DLG1: variants seen among roughly 807,000 people sequenced by gnomAD.
DLG1 encodes discs large MAGUK scaffold protein 1, also known as disks large homolog 1.
Under a neutral mutation model 123.4 loss-of-function variants are expected in DLG1, and 42 were observed. That is an observed-to-expected ratio of 0.34 (90% CI 0.27 to 0.44). The LOEUF (loss-of-function observed/expected upper bound fraction) is 0.44, where lower values mean the gene tolerates loss of function less well. Among genes scored for constraint, DLG1 ranks in the 20% least tolerant of loss-of-function variants. DLG1 has a pLI of 1.00. For missense variants in DLG1, 942 were observed against 1,082.6 expected (o/e 0.87, Z 1.82); for synonymous variants, 317 against 356.2 (o/e 0.89, Z 1.24).
At chr3:197,085,395 G>A in intron 16 of DLG1, 185 bp downstream of exon 16, 1 of 594,062 alleles carries the variant, frequency 1.7e-6, no homozygotes, top group Non-Finnish European at 2.9e-6. Context: ...TTCTCTGTAT[G>A]ACTTCGACTA....
At chr3:197,280,392 T>C (rs1429035777) in intron 4 of DLG1, among the ~76,000 whole-genome samples, 4 of 151,998 alleles carry the variant, frequency 2.6e-5, no homozygotes, top group Non-Finnish European at 5.9e-5. Context: ...CATTCACCTG[T>C]TGATAGATAT....
At chr3:197,294,400 AT>A (rs34070222) in intron 3 of DLG1, among the ~76,000 whole-genome samples, 85,688 of 151,920 alleles carry the variant, frequency 0.56, 24,710 homozygotes, top group East Asian at 0.78. Context: ...TAATCCCAAC[AT>A]TTTGGGAGGC....
chr3:197,188,807 G>T (rs1479373948), intron 5 of DLG1, among the ~76,000 whole-genome samples: 2 of 152,044 alleles, frequency 1.3e-5, no homozygotes, highest in East Asian at 1.9e-4. Context: ...TAACATTCTG[G>T]TTTTTTAAAA....
intron 10 of DLG1, among the ~76,000 whole-genome samples, chr3:197,130,980 T>G (rs1421586292): frequency 6.6e-6 from 1 of 152,216 alleles, no homozygotes; most frequent in Non-Finnish European, 1.5e-5. Context: ...CATTTTTATC[T>G]TTAAAGAAAT....
At chr3:197,046,915 C>CGAAACAAAAAACAAAAT in intron 24 of DLG1, among the ~76,000 whole-genome samples, 1 of 142,100 alleles carries the variant, frequency 7.0e-6, no homozygotes, top group Non-Finnish European at 1.5e-5. Flanking sequence ...AAAAACAAAA[C>CGAAACAAAAAACAAAAT]GAAACAAAAA....
chr3:197,082,402 T>C (rs1050739732), intron 16 of DLG1, among the ~76,000 whole-genome samples: 2 of 151,932 alleles, frequency 1.3e-5, no homozygotes, highest in Admixed American at 1.3e-4. Flanking sequence ...TTAAAACTCA[T>C]GATTTTTACG....
chr3:197,270,919 A>T (rs970010102), intron 4 of DLG1, among the ~76,000 whole-genome samples: 3 of 152,252 alleles, frequency 2.0e-5, no homozygotes, highest in Admixed American at 2.0e-4. Context: ...TAAATAACAT[A>T]AGGAAACAAA....
At chr3:197,297,773 G>T (rs1319832121) in intron 1 of DLG1, 1 of 985,778 alleles carries the variant, frequency 1.0e-6, no homozygotes, top group Non-Finnish European at 1.2e-6. Context: ...ACACCTCCGC[G>T]GGCCCCCACA....
At chr3:197,122,187 A>C (rs946877659) in intron 11 of DLG1, among the ~76,000 whole-genome samples, 1 of 152,120 alleles carries the variant, frequency 6.6e-6, no homozygotes, top group Non-Finnish European at 1.5e-5. Flanking sequence ...TAGCGTTAGA[A>C]AATCAATGTA....
At chr3:197,196,171 CAAA>C (rs71162001) in intron 4 of DLG1, among the ~76,000 whole-genome samples, 2,245 of 88,828 alleles carry the variant, frequency 0.025, 21 homozygotes, top group African/African-American at 0.065. Flanking sequence ...AAATGCACAC[CAAA>C]AAAAAAAAAA....
At chr3:197,268,121 T>A (rs1762456827) in intron 4 of DLG1, among the ~76,000 whole-genome samples, 1 of 152,110 alleles carries the variant, frequency 6.6e-6, no homozygotes, top group South Asian at 2.1e-4. Flanking sequence ...GTGAGGAGGT[T>A]TAGGAGCACA....
chr3:197,258,985 C>T (rs1185022555), intron 4 of DLG1, among the ~76,000 whole-genome samples: 2 of 151,972 alleles, frequency 1.3e-5, no homozygotes, highest in Non-Finnish European at 2.9e-5. Context: ...AAAATAGACC[C>T]TCTTTTGCTA....
chr3:197,282,637 T>C (rs776675342), intron 4 of DLG1, 42 bp downstream of exon 4: 2 of 1,349,954 alleles, frequency 1.5e-6, no homozygotes, highest in Admixed American at 2.7e-5. Flanking sequence ...ATAAATAAAT[T>C]GATCACCAAA....
At chr3:197,220,932 A>C (rs1225557098) in intron 4 of DLG1, among the ~76,000 whole-genome samples, 2 of 152,252 alleles carry the variant, frequency 1.3e-5, no homozygotes, top group African/African-American at 4.8e-5. Context: ...ATTTAACCTT[A>C]ATTACTGTTA....
At chr3:197,266,136 A>C (rs1258267379) in intron 4 of DLG1, among the ~76,000 whole-genome samples, 1 of 152,184 alleles carries the variant, frequency 6.6e-6, no homozygotes, top group African/African-American at 2.4e-5. Context: ...AAGAATATTT[A>C]AAAGAATAAA....
chr3:197,130,529 T>C lies in DLG1; in HGVS notation c.1163A>G (p.Asn388Ser), dbSNP rs766361825. Residue 388 changes from asparagine (N) to serine (S), a missense_variant and splice_region_variant, in exon 11 of 25, where the codon AAC becomes AGC. By Grantham distance (46) the Asn-to-Ser change is conservative. Coordinates refer to ENST00000667157, the MANE Select transcript of DLG1 (RefSeq NM_001366207.1). ...CAAACGTATGCTAACAGACTTACAG[T>C]TGGTGATATCAGGTGGTGCATAGCC... ...NDGYAPPDITNSSSQPVDNHV... is the reference protein window; with the variant it reads ...NDGYAPPDITSSSSQPVDNHV... 6.9e-6 allele frequency: 11 copies of C among 1,597,126 alleles called. No individual in the cohort carries two copies. Among genetic ancestry groups the C allele is most frequent in the East Asian group, 2.3e-5 (1 of 44,366 alleles).
rs2148906358 is a variant in DLG1 at position 197,067,894 on chromosome 3, C to A, written c.2048-1140G>T. 2.6e-5 allele frequency among the ~76,000 whole-genome samples: 4 copies of A among 152,146 alleles called. No homozygotes were observed. In the Middle Eastern group the frequency reaches 0.014, roughly 518 times the overall value. On this transcript the variant is annotated intron_variant, in intron 19 of 24. Transcript: ENST00000667157. ...AGTTTTAAACTAACACACACACATC[C>A]CCCCTCACCCCCACGCCTAAAATTA...
intron 5 of DLG1, among the ~76,000 whole-genome samples, chr3:197,193,135 T>C (rs1449239265): frequency 4.6e-5 from 7 of 151,832 alleles, no homozygotes; most frequent in Admixed American, 4.6e-4. Context: ...TGATCCTTAA[T>C]GAAAATACAC....
chr3:197,287,100 G>C (rs1772243486), intron 3 of DLG1, among the ~76,000 whole-genome samples: 1 of 151,606 alleles, frequency 6.6e-6, no homozygotes, highest in South Asian at 2.1e-4. Context: ...CAAACTCCTG[G>C]GCTCAAGGAT....
Sources: gnomAD v4.1 joint callset for allele counts (sites outside exome capture counted in the v4.1 genomes callset) on GRCh38, gnomAD v4.1.1 for gene constraint, MANE v1.5 for transcripts, NCBI Gene and HGNC (gene_info 2026-07-23, HGNC 2026-07-21) for gene names.